HPSE2: variants seen among roughly 807,000 people sequenced by gnomAD.
The protein encoded by HPSE2 is heparanase 2 (inactive), also known as inactive heparanase-2.
HPSE2 carries 38 observed loss-of-function variants against 60.5 expected under a neutral mutation model. That is an observed-to-expected ratio of 0.63 (90% CI 0.48 to 0.82). HPSE2 has a LOEUF of 0.82. Among genes scored for constraint, HPSE2 ranks in the 40% least tolerant of loss-of-function variants. The pLI is 0.00. For synonymous variants in HPSE2, 295 were observed against 293.2 expected, an observed-to-expected ratio of 1.01 and a Z score of -0.06; for missense variants, 713 against 740.4, an observed-to-expected ratio of 0.96 and a Z score of 0.43.
intron 3 of HPSE2, among the ~76,000 whole-genome samples, chr10:99,015,752 G>C (rs969712856): frequency 6.6e-6 from 1 of 152,030 alleles, no homozygotes; most frequent in Admixed American, 6.6e-5. Context: ...ACACCAACAT[G>C]GCACATGTAT....
At chr10:99,164,225 C>A (rs1846964100) in intron 2 of HPSE2, among the ~76,000 whole-genome samples, 2 of 82,430 alleles carry the variant, frequency 2.4e-5, no homozygotes, top group Non-Finnish European at 4.4e-5. Context: ...TTTATTCAAG[C>A]ATTATATATA....
chr10:98,824,433 G>T (rs1217881558), intron 3 of HPSE2, among the ~76,000 whole-genome samples: 1 of 152,116 alleles, frequency 6.6e-6, no homozygotes, highest in African/African-American at 2.4e-5. Flanking sequence ...ACATAACTCA[G>T]AAAAATTTTT....
At chr10:99,117,440 A>C (rs1417148222) in intron 3 of HPSE2, among the ~76,000 whole-genome samples, 1 of 145,538 alleles carries the variant, frequency 6.9e-6, no homozygotes, top group Non-Finnish European at 1.5e-5. Context: ...AAAAAAAAAA[A>C]AAAAAAAAAC....
chr10:99,278,168 T>G, the HPSE2 span, among the ~76,000 whole-genome samples: 1 of 152,020 alleles, frequency 6.6e-6, no homozygotes, highest in Non-Finnish European at 1.5e-5. Context: ...TCACAATATT[T>G]TGATAATGAA....
intron 3 of HPSE2, among the ~76,000 whole-genome samples, chr10:99,028,289 A>G (rs1957422742): frequency 6.6e-6 from 1 of 152,216 alleles, no homozygotes; most frequent in Non-Finnish European, 1.5e-5. Flanking sequence ...TAATAAATTC[A>G]GTATGGTTGC....
chr10:98,917,811 C>T (rs1246502935), intron 3 of HPSE2, among the ~76,000 whole-genome samples: 12 of 152,134 alleles, frequency 7.9e-5, no homozygotes, highest in African/African-American at 2.7e-4. Flanking sequence ...TGGTAGGCAT[C>T]CAGCAAGGAA....
chr10:99,251,862 CAAAAAAAAAAAAA>C, the HPSE2 span, among the ~76,000 whole-genome samples: 12 of 57,264 alleles, frequency 2.1e-4, no homozygotes, highest in South Asian at 8.1e-4. Flanking sequence ...CTCTCTCTAC[CAAAAAAAAAAAAA>C]AAAAAAAAAA....
intron 3 of HPSE2, among the ~76,000 whole-genome samples, chr10:99,041,886 G>A (rs1291669884): frequency 1.3e-5 from 2 of 152,188 alleles, no homozygotes; most frequent in Non-Finnish European, 2.9e-5. Context: ...CCTGAGAACA[G>A]TCACAAGCCT....
chr10:98,485,542 G>T (rs913033078), intron 10 of HPSE2, among the ~76,000 whole-genome samples: 1 of 152,084 alleles, frequency 6.6e-6, no homozygotes, highest in African/African-American at 2.4e-5. Context: ...GATTTAAGCA[G>T]ACTTATGTCC....
chr10:99,305,954 C>CAT, the HPSE2 span, among the ~76,000 whole-genome samples: 1 of 41,568 alleles, frequency 2.4e-5, no homozygotes, highest in African/African-American at 1.2e-4. Flanking sequence ...TATCCAAACT[C>CAT]ACACACACGC....
Position 98,459,681 on chromosome 10 carries a change from A to T in HPSE2, c.1672T>A (p.Leu558Met). ...VMVDDGTLPE[L>M]KPRPLRAGRT... ...CCGGCCCGAAGGGGGCGGGGCTTCA[A>T]TTCTGGGAGGGTCCCGTCGTCCACC... The change falls in exon 12 of 12, where the codon TTG (leucine) becomes ATG (methionine). Residue 558 changes from leucine (L) to methionine (M), a missense_variant. By Grantham distance (15) the Leu-to-Met change is conservative. Coordinates refer to ENST00000370552, the MANE Select transcript of HPSE2 (RefSeq NM_021828.5). 6.2e-7 allele frequency: 1 copy of T among 1,614,142 alleles called. No individual in the cohort carries two copies. The highest frequency in any genetic ancestry group is 8.5e-7 in the Non-Finnish European group (1 of 1,180,030).
rs1472680820 is a variant in HPSE2, at chr10:98,929,481, T to G, written c.611-185425A>C. Among the ~76,000 whole-genome samples the G allele has an allele frequency of 1.8e-4, 26 of 144,006 alleles. 3 individuals are homozygous for G. The highest frequency in any genetic ancestry group is 1.8e-3 in the Admixed American group (26 of 14,462). The allele number at this position is 144,006 out of a possible 152,430, so 94.5% of individuals were successfully genotyped here. ...CCTATTGATCCAGGTTTTTACATAC[T>G]AAAGCTATCTTCATATTGAACAACG... On this transcript the variant is annotated intron_variant, in intron 3 of 11. Coordinates refer to ENST00000370552, the MANE Select transcript of HPSE2 (RefSeq NM_021828.5).
At chr10:99,215,317 A>G (rs934807017) in intron 2 of HPSE2, among the ~76,000 whole-genome samples, 1 of 152,254 alleles carries the variant, frequency 6.6e-6, no homozygotes, top group Non-Finnish European at 1.5e-5. Flanking sequence ...TTGCAAGGAC[A>G]TGGATGAAGC....
At chr10:98,695,242 G>C (rs1948181584) in intron 5 of HPSE2, among the ~76,000 whole-genome samples, 1 of 152,144 alleles carries the variant, frequency 6.6e-6, no homozygotes, top group African/African-American at 2.4e-5. Context: ...TGAGAAAGGG[G>C]GAAGAAAGAG....
intron 3 of HPSE2, among the ~76,000 whole-genome samples, chr10:98,874,196 A>G (rs1417854263): frequency 6.7e-6 from 1 of 150,008 alleles, no homozygotes; most frequent in Admixed American, 6.7e-5. Flanking sequence ...TGCTGTGCAG[A>G]AGTTCTTTAG....
chr10:99,158,411 T>C (rs1382123223), intron 2 of HPSE2, among the ~76,000 whole-genome samples: 6 of 92,688 alleles, frequency 6.5e-5, no homozygotes, highest in Non-Finnish European at 1.2e-4. Flanking sequence ...CACCATGGAA[T>C]ACTATGCAGC....
chr10:98,842,700 TCA>T (rs1470889134), intron 3 of HPSE2, among the ~76,000 whole-genome samples: 1 of 152,120 alleles, frequency 6.6e-6, no homozygotes, highest in Non-Finnish European at 1.5e-5. Context: ...ACATTGATTA[TCA>T]TTGTCACCCA....
At chr10:98,699,441 AC>A (rs1948337318) in intron 5 of HPSE2, among the ~76,000 whole-genome samples, 1 of 96,658 alleles carries the variant, frequency 1.0e-5, no homozygotes, top group African/African-American at 2.9e-5. Context: ...AAATTCAACA[AC>A]CCTTCATGCT....
chr10:98,993,532 T>A (rs1956575200), intron 3 of HPSE2, among the ~76,000 whole-genome samples: 1 of 152,216 alleles, frequency 6.6e-6, no homozygotes. Context: ...AATATATTTT[T>A]ATTTTTACTC....
Sources: allele counts gnomAD v4.1 joint callset (sites outside exome capture counted in the v4.1 genomes callset), GRCh38; gene constraint gnomAD v4.1.1; transcripts MANE v1.5; gene names NCBI Gene and HGNC (gene_info 2026-07-23, HGNC 2026-07-21).